Variants in MYO18B observed in about 807,000 individuals in gnomAD.
MYO18B encodes myosin XVIIIB, also known as unconventional myosin-XVIIIb.
MYO18B carries 204 observed loss-of-function variants against 273.0 expected under a neutral mutation model. The observed-to-expected ratio is 0.75, with a 90% CI of 0.67 to 0.84. The LOEUF (loss-of-function observed/expected upper bound fraction) is 0.84, where lower values mean the gene tolerates loss of function less well. MYO18B is among the 40% of genes least tolerant of loss of function. The pLI, the probability that MYO18B is intolerant of heterozygous loss-of-function variation, is 0.00. For missense variants in MYO18B, 3,212 were observed against 3,287.6 expected, an observed-to-expected ratio of 0.98 and a Z score of 0.56; for synonymous variants, 1,330 against 1,305.7, an observed-to-expected ratio of 1.02 and a Z score of -0.40.
chr22:26,029,307 A>C (rs558448970), intron 43 of MYO18B, among the ~76,000 whole-genome samples: 1 of 152,166 alleles, frequency 6.6e-6, no homozygotes, highest in South Asian at 2.1e-4. Context: ...CCTTGACCCA[A>C]ATGAGGCACA....
rs55823577 is a variant in MYO18B at position 25,978,847 on chromosome 22, G to A, written c.6157-13516G>A. 4.1e-3 allele frequency among the ~76,000 whole-genome samples: 624 copies of A among 152,206 alleles called. 6 individuals are homozygous for A. Among genetic ancestry groups the A allele is most frequent in the African/African-American group, 0.013 (559 of 41,544 alleles). On this transcript the variant is annotated intron_variant, in intron 39 of 43. Coordinates refer to ENST00000335473, the MANE Select transcript of MYO18B (RefSeq NM_032608.7). ...TGGGCGCCTATTGTCCCATCTACTC[G>A]GGTGGCTGAGGATTGCTTGAATCTG...
chr22:25,985,356 C>T (rs1569264717), intron 39 of MYO18B, among the ~76,000 whole-genome samples: 1 of 151,164 alleles, frequency 6.6e-6, no homozygotes, highest in Admixed American at 6.6e-5. Context: ...GCAAGATTCA[C>T]TCTCAAAGAA....
chr22:25,873,598 G>T (rs571873649), intron 22 of MYO18B, among the ~76,000 whole-genome samples: 5 of 152,144 alleles, frequency 3.3e-5, no homozygotes, highest in Admixed American at 6.5e-5. Flanking sequence ...TCGCCACCAC[G>T]CTTGGCTAAT....
chr22:25,820,966 G>A (rs1202432063), intron 12 of MYO18B, among the ~76,000 whole-genome samples: 1 of 151,908 alleles, frequency 6.6e-6, no homozygotes, highest in Admixed American at 6.6e-5. Context: ...TTCACTTAAC[G>A]TCCTCCAGTT....
downstream of MYO18B, among the ~76,000 whole-genome samples, chr22:26,032,674 A>T (rs2147046718): frequency 6.6e-6 from 1 of 152,074 alleles, no homozygotes; most frequent in Admixed American, 6.5e-5. Flanking sequence ...GACATGCACC[A>T]CCAGGCCCAG....
In MYO18B at chr22:25,773,547, G is replaced by A. The variant is rs1421902692; in HGVS notation, c.1869+1037G>A. ...GGCACGATCTCGGCTCACTGCAAGC[G>A]CCGCCTCCCGGGTTCACGCCATTCT... On this transcript the variant is annotated intron_variant, in intron 7 of 43. Transcript: ENST00000335473. 2.6e-5 allele frequency among the ~76,000 whole-genome samples: 4 copies of A among 152,132 alleles called. No individual in the cohort carries two copies. In the South Asian group the frequency reaches 8.3e-4, roughly 32 times the overall value.
At position 25,846,139 on chromosome 22, in the gene MYO18B, G is replaced by A; in HGVS notation, c.3408G>A (p.Leu1136=). The A allele has an allele frequency of 6.2e-7, 1 of 1,601,642 alleles. No individual in the cohort carries two copies. The highest frequency in any genetic ancestry group is 1.8e-4 in the Middle Eastern group (1 of 5,688). Residue 1136 remains leucine (L), a synonymous_variant, in exon 19 of 44, where the codon CTG becomes CTA. Transcript: ENST00000335473. ...LRSLFQARAK[L]PPVCRAVAGL... ...GTCTATTCCAGGCCCGGGCCAAGCT[G>A]CCTCCTGTGTGCCGGGCTGTGGCAG...
intron 11 of MYO18B, among the ~76,000 whole-genome samples, chr22:25,796,419 TA>T (rs746907645): frequency 6.6e-6 from 1 of 151,034 alleles, no homozygotes; most frequent in African/African-American, 2.4e-5. Context: ...ACCCCATCTG[TA>T]AAAAAAATGA....
chr22:26,027,240 C>A lies in MYO18B; in HGVS notation c.7266C>A (p.Asp2422Glu). The A allele has an allele frequency of 1.9e-6, 3 of 1,613,988 alleles. No homozygotes were observed. Among genetic ancestry groups the A allele is most frequent in the Non-Finnish European group, 1.7e-6 (2 of 1,179,904 alleles). Reference protein sequence around the residue: ...AHLMEEPLGSDPFSWKLPSLD... With the variant: ...AHLMEEPLGSEPFSWKLPSLD... ...TGATGGAGGAACCTCTAGGCAGTGA[C>A]CCATTCAGCTGGAAACTCCCAAGCC... Residue 2422 changes from aspartate (D) to glutamate (E), a missense_variant, in exon 43 of 44, where the codon GAC becomes GAA. By Grantham distance (45) the Asp-to-Glu change is conservative. Coordinates refer to ENST00000335473, the MANE Select transcript of MYO18B (RefSeq NM_032608.7). This position sits in a 1 kb window ranked among gnomAD's most constrained non-coding sequence, Gnocchi z 4.1.
intron 10 of MYO18B, among the ~76,000 whole-genome samples, chr22:25,784,904 G>A (rs528676644): frequency 1.3e-5 from 2 of 152,298 alleles, no homozygotes; most frequent in African/African-American, 2.4e-5. Flanking sequence ...AGGATAGCGC[G>A]GAGTCTGGGC....
chr22:25,955,317 G>C lies in MYO18B; in HGVS notation c.6109G>C (p.Glu2037Gln). 1 of 1,613,856 alleles carries C rather than the reference G, an allele frequency of 6.2e-7. No individual in the cohort carries two copies. The highest frequency in any genetic ancestry group is 1.3e-5 in the African/African-American group (1 of 75,038). The stretch of plus-strand genomic sequence containing the variant: ...GGAAGAGCTGAAGGCCGACATGGAA[G>C]AGCTGGTGCAGCGGGAGGCAGAGGC... ...RLEELKADME[E>Q]LVQREAEASR... is the part of the protein sequence containing the mutation. Residue 2037 changes from glutamate (E) to glutamine (Q), a missense_variant, in exon 39 of 44, where the codon GAG becomes CAG. Physicochemically the swap from Glu to Gln is conservative, Grantham distance 29. Coordinates refer to ENST00000335473, the MANE Select transcript of MYO18B (RefSeq NM_032608.7).
Position 25,768,258 on chromosome 22 carries a change from C to T in MYO18B, c.342C>T (p.Ser114=). 2.5e-6 allele frequency: 4 copies of T among 1,614,002 alleles called. No homozygotes were observed. The highest frequency in any genetic ancestry group is 3.4e-6 in the Non-Finnish European group (4 of 1,179,896). The change falls in exon 4 of 44, where the codon AGC becomes AGT. Residue 114 remains serine (S), a synonymous_variant. Coordinates refer to ENST00000335473, the MANE Select transcript of MYO18B (RefSeq NM_032608.7). ...ILGKESEGSR[S]PDPEQMTSIN... ...GCAAGGAGAGCGAGGGGTCCCGCAG[C>T]CCCGACCCTGAGCAGATGACAAGCA...
intron 33 of MYO18B, among the ~76,000 whole-genome samples, chr22:25,918,070 A>C (rs2092289384): frequency 6.6e-6 from 1 of 152,198 alleles, no homozygotes. Flanking sequence ...TCATTTTAAA[A>C]ACCTATTATG....
intron 12 of MYO18B, among the ~76,000 whole-genome samples, chr22:25,816,690 A>G (rs1442671644): frequency 6.6e-6 from 1 of 152,126 alleles, no homozygotes; most frequent in Non-Finnish European, 1.5e-5. Context: ...CGTCATTCCC[A>G]TTTTACAGAG....
intron 20 of MYO18B, among the ~76,000 whole-genome samples, chr22:25,849,234 A>G (rs2090349126): frequency 6.6e-6 from 1 of 152,170 alleles, no homozygotes; most frequent in African/African-American, 2.4e-5. Context: ...TGTTCACGTG[A>G]CCTCACGACA....
At chr22:26,050,152 A>T in the MYO18B span, among the ~76,000 whole-genome samples, 2 of 152,232 alleles carry the variant, frequency 1.3e-5, no homozygotes, top group Non-Finnish European at 2.9e-5. Flanking sequence ...GTGGAAACTG[A>T]TGAGCCGTCA....
At chr22:25,890,407 T>G (rs2091625569) in intron 25 of MYO18B, among the ~76,000 whole-genome samples, 1 of 152,230 alleles carries the variant, frequency 6.6e-6, no homozygotes, top group Admixed American at 6.5e-5. Context: ...AAAATGGCCA[T>G]TTTTAAAACT....
At chr22:25,761,398 G>C (rs1026100643) in intron 2 of MYO18B, among the ~76,000 whole-genome samples, 2 of 152,066 alleles carry the variant, frequency 1.3e-5, no homozygotes, top group South Asian at 2.1e-4. Context: ...TGGTGGTGGT[G>C]GGGGGTGGTA....
At chr22:25,809,078 G>A (rs891470395) in intron 12 of MYO18B, among the ~76,000 whole-genome samples, 2 of 152,040 alleles carry the variant, frequency 1.3e-5, no homozygotes, top group African/African-American at 2.4e-5. Context: ...GAGTAGCTGG[G>A]ATTACAGGTA....
Sources: gnomAD v4.1 joint callset for allele counts (sites outside exome capture counted in the v4.1 genomes callset) on GRCh38, gnomAD v4.1.1 for gene constraint, Gnocchi (gnomAD v3.1) non-coding constraint, MANE v1.5 for transcripts, NCBI Gene and HGNC (gene_info 2026-07-23, HGNC 2026-07-21) for gene names.